Variants in TLK2 observed in about 807,000 individuals in gnomAD.
TLK2 encodes the protein tousled like kinase 2.
TLK2 carries 6 observed loss-of-function variants against 117.3 expected under a neutral mutation model. That is an observed-to-expected ratio of 0.05 (90% CI 0.03 to 0.10). The LOEUF is 0.10. TLK2 is among the 10% of genes least tolerant of loss of function. The pLI is 1.00. For synonymous variants in TLK2, 257 were observed against 316.7 expected, an observed-to-expected ratio of 0.81 and a Z score of 2.00; for missense variants, 299 against 901.2, an observed-to-expected ratio of 0.33 and a Z score of 8.56.
intron 2 of TLK2, among the ~76,000 whole-genome samples, chr17:62,515,651 C>A (rs1395787791): frequency 6.6e-6 from 1 of 152,128 alleles, no homozygotes; most frequent in East Asian, 1.9e-4. Flanking sequence ...CTGTTCAAGT[C>A]CTTTGCCCAT....
At chr17:62,482,642 G>A (rs2071820406) in intron 2 of TLK2, among the ~76,000 whole-genome samples, 7 of 151,782 alleles carry the variant, frequency 4.6e-5, no homozygotes, top group Admixed American at 2.6e-4. Flanking sequence ...GTAGAGACAG[G>A]GTTTCTCCAT....
chr17:62,590,402 G>C lies in TLK2; in HGVS notation c.1460+4176G>C, dbSNP rs546302475. ...TGTGGTGAGCCAAGATCGCGCCACT[G>C]TATGTACTCCAGCCTGGGCGACAGA... On this transcript the variant is annotated intron_variant, in intron 16 of 21. Coordinates refer to ENST00000346027, the MANE Select transcript of TLK2 (RefSeq NM_006852.6). 1.1e-4 allele frequency among the ~76,000 whole-genome samples: 17 copies of C among 152,248 alleles called. No homozygotes were observed. The South Asian group carries it at 3.5e-3, about 32-fold the overall frequency.
chr17:62,514,162 G>A (rs1350281578), intron 2 of TLK2, among the ~76,000 whole-genome samples: 1 of 133,908 alleles, frequency 7.5e-6, no homozygotes, highest in African/African-American at 2.7e-5. Context: ...TTTTTTTTTT[G>A]AGATGGAGTC....
intron 12 of TLK2, among the ~76,000 whole-genome samples, chr17:62,574,102 T>C (rs999373341): frequency 1.1e-4 from 17 of 152,232 alleles, no homozygotes; most frequent in African/African-American, 4.1e-4. Context: ...TCAACTAATA[T>C]GTCATTTGCT....
chr17:62,502,570 T>G (rs1479532964), intron 2 of TLK2, among the ~76,000 whole-genome samples: 3 of 152,188 alleles, frequency 2.0e-5, no homozygotes, highest in Admixed American at 6.6e-5. Context: ...AGGAATAATC[T>G]TACAGATTAC....
At chr17:62,559,579 C>T (rs377052655) in intron 9 of TLK2, among the ~76,000 whole-genome samples, 2 of 151,782 alleles carry the variant, frequency 1.3e-5, no homozygotes, top group Non-Finnish European at 2.9e-5. Flanking sequence ...GGTTTGACCA[C>T]GCAGGCCAGG....
chr17:62,498,289 T>A (rs1201651314), intron 2 of TLK2, among the ~76,000 whole-genome samples: 1 of 152,188 alleles, frequency 6.6e-6, no homozygotes, highest in East Asian at 1.9e-4. Flanking sequence ...AATTCCTAGT[T>A]TTTAGGTCTT....
At chr17:62,586,826 CAA>C (rs35381069) in intron 16 of TLK2, among the ~76,000 whole-genome samples, 1 of 142,678 alleles carries the variant, frequency 7.0e-6, no homozygotes, top group African/African-American at 2.6e-5. Context: ...GACTGCATCT[CAA>C]AAAAAAAAAA....
At chr17:62,528,519 C>T (rs371055776) in intron 6 of TLK2, among the ~76,000 whole-genome samples, 41 of 152,102 alleles carry the variant, frequency 2.7e-4, no homozygotes, top group African/African-American at 9.4e-4. Context: ...CGGGTTCAAG[C>T]GATTCTCCTG....
chr17:62,610,139 A>G (rs911054059), intron 21 of TLK2, among the ~76,000 whole-genome samples: 3 of 152,336 alleles, frequency 2.0e-5, no homozygotes, highest in Non-Finnish European at 1.5e-5. Flanking sequence ...ACTTTTGTCA[A>G]ATTTTCATGT....
chr17:62,474,166 C>T (rs1464677889), upstream of TLK2, among the ~76,000 whole-genome samples: 5 of 152,014 alleles, frequency 3.3e-5, no homozygotes, highest in Non-Finnish European at 7.4e-5. Context: ...GCAAGCTCTG[C>T]CTCCTGGGTT....
chr17:62,543,372 A>G (rs2077679224), intron 7 of TLK2, among the ~76,000 whole-genome samples: 1 of 152,190 alleles, frequency 6.6e-6, no homozygotes, highest in Non-Finnish European at 1.5e-5. Flanking sequence ...TATATGCTGG[A>G]GAGTGAAATT....
At chr17:62,503,136 G>A (rs576043303) in intron 2 of TLK2, among the ~76,000 whole-genome samples, 47 of 146,654 alleles carry the variant, frequency 3.2e-4, no homozygotes, top group South Asian at 6.6e-4. Context: ...CTTGGCTCAC[G>A]GCAAGCTCCG....
intron 6 of TLK2, among the ~76,000 whole-genome samples, chr17:62,530,951 G>T (rs1190286919): frequency 6.6e-6 from 1 of 151,688 alleles, no homozygotes; most frequent in Non-Finnish European, 1.5e-5. Flanking sequence ...ACCCTCCATT[G>T]TTACTATTAA....
Position 62,503,789 on chromosome 17 carries a change from C to A in TLK2, c.82-16984C>A, listed in dbSNP as rs1247448628. 3.4e-5 allele frequency among the ~76,000 whole-genome samples: 5 copies of A among 147,332 alleles called. No individual in the cohort carries two copies. In the Admixed American group the frequency reaches 3.5e-4, roughly 10 times the overall value. On this transcript the variant is annotated intron_variant, in intron 2 of 21. Transcript: ENST00000346027. The stretch of plus-strand genomic sequence containing the variant: ...TGTTGCCCAGGCTGGAGTGTAATGG[C>A]GTGATCTCAGCTCACTGCAGCCTCC...
intron 11 of TLK2, among the ~76,000 whole-genome samples, chr17:62,566,424 G>A (rs2146474352): frequency 6.6e-6 from 1 of 152,292 alleles, no homozygotes; most frequent in East Asian, 1.9e-4. Flanking sequence ...CTTGTTTTAT[G>A]TGTGAAACAT....
At chr17:62,474,734 C>G (rs937438064), upstream of TLK2, among the ~76,000 whole-genome samples, 2 of 151,966 alleles carry the variant, frequency 1.3e-5, no homozygotes. Context: ...TGCATGTTGC[C>G]CAGGCTGGTC....
chr17:62,500,815 C>T (rs372239289), intron 2 of TLK2, among the ~76,000 whole-genome samples: 2 of 151,984 alleles, frequency 1.3e-5, no homozygotes, highest in Admixed American at 6.6e-5. Context: ...GGAAAATCTC[C>T]GAATATTTGA....
intron 6 of TLK2, among the ~76,000 whole-genome samples, chr17:62,528,729 T>C (rs1348906854): frequency 6.6e-6 from 1 of 152,208 alleles, no homozygotes; most frequent in East Asian, 1.9e-4. Context: ...CTCGGAATGA[T>C]TTTTAGATTT....
Sources: gnomAD v4.1 joint callset for allele counts (sites outside exome capture counted in the v4.1 genomes callset) on GRCh38, gnomAD v4.1.1 for gene constraint, MANE v1.5 for transcripts, NCBI Gene and HGNC (gene_info 2026-07-23, HGNC 2026-07-21) for gene names.